FANCC: variants seen among roughly 807,000 people sequenced by gnomAD.
FANCC encodes FA complementation group C, also known as Fanconi anemia group C protein.
Under a neutral mutation model 71.3 loss-of-function variants are expected in FANCC, and 55 were observed. The ratio of observed to expected loss-of-function variants is 0.77; its 90% CI spans 0.62 to 0.97. The LOEUF (loss-of-function observed/expected upper bound fraction) is 0.97, where lower values mean the gene tolerates loss of function less well. Ranked by LOEUF, FANCC falls within the 50% of genes least tolerant of loss-of-function variation. The probability of loss-of-function intolerance (pLI) is 0.00; values close to 1 mark genes in which losing one functional copy is unlikely to be tolerated. For missense variants in FANCC, 678 were observed against 670.9 expected, an observed-to-expected ratio of 1.01 and a Z score of -0.12; for synonymous variants, 275 against 244.9, an observed-to-expected ratio of 1.12 and a Z score of -1.15.
intron 3 of FANCC, among the ~76,000 whole-genome samples, chr9:95,241,410 T>A (rs891576259): frequency 7.2e-5 from 11 of 151,972 alleles, no homozygotes; most frequent in Non-Finnish European, 7.3e-5. Context: ...CTTTGAAATC[T>A]TACATTTTGC....
chr9:95,280,050 T>C (rs982345625), intron 1 of FANCC, among the ~76,000 whole-genome samples: 2 of 151,480 alleles, frequency 1.3e-5, no homozygotes, highest in African/African-American at 4.9e-5. Flanking sequence ...AGACACACTT[T>C]AGAGTGAAAA....
intron 4 of FANCC, among the ~76,000 whole-genome samples, chr9:95,179,503 C>T (rs562205658): frequency 5.3e-5 from 8 of 152,194 alleles, no homozygotes; most frequent in South Asian, 2.1e-4. Context: ...TGTGCCACCA[C>T]GCCCAGCTAA....
At chr9:95,169,739 A>G (rs925639062) in intron 6 of FANCC, among the ~76,000 whole-genome samples, 2 of 152,224 alleles carry the variant, frequency 1.3e-5, no homozygotes, top group Non-Finnish European at 2.9e-5. Flanking sequence ...AGTTCTCACT[A>G]TAATTTTTTG....
intron 1 of FANCC, among the ~76,000 whole-genome samples, chr9:95,255,870 A>G (rs1831625001): frequency 6.6e-6 from 1 of 151,988 alleles, no homozygotes; most frequent in South Asian, 2.1e-4. Context: ...ACACGTCATG[A>G]GAACTTCGTG....
chr9:95,230,574 G>A (rs1455713301), intron 4 of FANCC, among the ~76,000 whole-genome samples: 1 of 152,096 alleles, frequency 6.6e-6, no homozygotes, highest in Non-Finnish European at 1.5e-5. Context: ...GTTCAGATGT[G>A]TCTGGAGTTT....
chr9:95,294,162 T>C, intron 1 of FANCC: 1 of 1,604,248 alleles, frequency 6.2e-7, no homozygotes, highest in Admixed American at 1.7e-5. Flanking sequence ...AGACATTGGA[T>C]CATCATAGTC....
intron 6 of FANCC, among the ~76,000 whole-genome samples, chr9:95,155,100 G>A (rs1342165540): frequency 2.7e-5 from 4 of 150,158 alleles, no homozygotes; most frequent in Non-Finnish European, 5.9e-5. Flanking sequence ...CCAGCCACTC[G>A]GGAGGCTGAG....
At chr9:95,195,805 T>G (rs1055723400) in intron 4 of FANCC, among the ~76,000 whole-genome samples, 1 of 152,242 alleles carries the variant, frequency 6.6e-6, no homozygotes, top group African/African-American at 2.4e-5. Flanking sequence ...CTTTGTAACT[T>G]TCATTAAACA....
At chr9:95,187,184 G>A (rs887110745) in intron 4 of FANCC, among the ~76,000 whole-genome samples, 11 of 152,194 alleles carry the variant, frequency 7.2e-5, no homozygotes, top group African/African-American at 1.2e-4. Flanking sequence ...GCACATGCAC[G>A]GGAAGCAGCG....
At chr9:95,174,211 C>T (rs537201811) in intron 4 of FANCC, among the ~76,000 whole-genome samples, 1 of 152,260 alleles carries the variant, frequency 6.6e-6, no homozygotes, top group East Asian at 1.9e-4. Context: ...TGCCCTGTTG[C>T]TGTGCCCTCT....
intron 4 of FANCC, among the ~76,000 whole-genome samples, chr9:95,207,082 A>G (rs1202918898): frequency 6.6e-6 from 1 of 152,084 alleles, no homozygotes; most frequent in Non-Finnish European, 1.5e-5. Context: ...TTTAAAGGTC[A>G]AGTCAGCTCA....
At chr9:95,275,936 A>T (rs1303511770) in intron 1 of FANCC, among the ~76,000 whole-genome samples, 1 of 152,134 alleles carries the variant, frequency 6.6e-6, no homozygotes, top group Non-Finnish European at 1.5e-5. Flanking sequence ...GAGAGAAGGC[A>T]AGAGTGGATC....
rs148035242 is a variant in FANCC at position 95,308,619 on chromosome 9, T to A, written c.-79+8907A>T. 3.2e-3 allele frequency among the ~76,000 whole-genome samples: 487 copies of A among 152,142 alleles called. 3 individuals are homozygous for A. The highest frequency in any genetic ancestry group is 0.011 in the African/African-American group (464 of 41,522). On this transcript the variant is annotated intron_variant, in intron 1 of 14. Coordinates refer to ENST00000289081, the MANE Select transcript of FANCC (RefSeq NM_000136.3). ...TCCTTGACCACCAGGACTCAAGTGA[T>A]CCACCCGCCTCGGCCTCCCAAAGTG...
chr9:95,314,966 T>C (rs969173235), intron 1 of FANCC, among the ~76,000 whole-genome samples: 2 of 152,128 alleles, frequency 1.3e-5, no homozygotes, highest in African/African-American at 2.4e-5. Context: ...TACTAAAATT[T>C]ATATGGAAAT....
chr9:95,162,353 T>C (rs568936407), intron 6 of FANCC, among the ~76,000 whole-genome samples: 1 of 152,354 alleles, frequency 6.6e-6, no homozygotes, highest in African/African-American at 2.4e-5. Context: ...TATTCATTCG[T>C]CCGCTGATGG....
intron 4 of FANCC, among the ~76,000 whole-genome samples, chr9:95,176,923 G>A (rs919979365): frequency 3.9e-5 from 6 of 152,222 alleles, no homozygotes; most frequent in East Asian, 3.8e-4. Flanking sequence ...ACCAGCTCAC[G>A]GAGGGTGACT....
chr9:95,245,861 C>A (rs953290494), intron 3 of FANCC, among the ~76,000 whole-genome samples: 3 of 150,402 alleles, frequency 2.0e-5, no homozygotes, highest in Non-Finnish European at 3.0e-5. Flanking sequence ...AGTGCCATTG[C>A]ACTCCAGCCT....
intron 7 of FANCC, among the ~76,000 whole-genome samples, chr9:95,139,450 G>C (rs113470062): frequency 1.3e-5 from 2 of 152,120 alleles, no homozygotes; most frequent in Non-Finnish European, 2.9e-5. Context: ...AGAAACATCA[G>C]TTTGAGGATA....
chr9:95,105,951 C>T (rs1409609802), intron 14 of FANCC, among the ~76,000 whole-genome samples: 4 of 152,256 alleles, frequency 2.6e-5, no homozygotes, highest in Non-Finnish European at 5.9e-5. Flanking sequence ...AGATGGCCCT[C>T]CAGCCCCTGC....
Sources: allele counts gnomAD v4.1 joint callset (sites outside exome capture counted in the v4.1 genomes callset), GRCh38; gene constraint gnomAD v4.1.1; transcripts MANE v1.5; gene names NCBI Gene and HGNC (gene_info 2026-07-23, HGNC 2026-07-21).